The following ARHGAP15 variants were observed in gnomAD, a reference collection of about 807,000 sequenced individuals.
ARHGAP15 encodes rho GTPase-activating protein 15.
A neutral mutation model predicts 63.7 loss-of-function variants in ARHGAP15; 51 were observed. The observed-to-expected ratio is 0.80, with a 90% CI of 0.64 to 1.01. The LOEUF is 1.01. Ranked by LOEUF, ARHGAP15 falls within the 50% of genes least tolerant of loss-of-function variation. The pLI is 0.00. For synonymous variants in ARHGAP15, 191 were observed against 193.8 expected (o/e 0.99, Z 0.12); for missense variants, 560 against 564.6 (o/e 0.99, Z 0.08).
At chr2:143,390,881 A>T (rs1448727920) in intron 6 of ARHGAP15, among the ~76,000 whole-genome samples, 2 of 152,158 alleles carry the variant, frequency 1.3e-5, no homozygotes, top group Non-Finnish European at 2.9e-5. Context: ...ATTTTCTGCC[A>T]AAGTTCCTTG....
chr2:143,705,560 C>A (rs375490978), intron 13 of ARHGAP15, among the ~76,000 whole-genome samples: 5 of 152,294 alleles, frequency 3.3e-5, no homozygotes, highest in African/African-American at 9.6e-5. Flanking sequence ...AGGATCCAGA[C>A]ACACCATGAA....
chr2:143,335,098 C>T (rs750719510), intron 6 of ARHGAP15, among the ~76,000 whole-genome samples: 3 of 152,252 alleles, frequency 2.0e-5, no homozygotes, highest in South Asian at 2.1e-4. Context: ...TTTCTCAGGG[C>T]ATTTAATATG....
intron 6 of ARHGAP15, among the ~76,000 whole-genome samples, chr2:143,306,541 T>C (rs1239120895): frequency 6.6e-6 from 1 of 152,118 alleles, no homozygotes; most frequent in Non-Finnish European, 1.5e-5. Flanking sequence ...TATATGCAAA[T>C]TGCCTTGCAC....
intron 2 of ARHGAP15, among the ~76,000 whole-genome samples, chr2:143,156,739 T>G (rs1574023327): frequency 6.6e-6 from 1 of 151,956 alleles, no homozygotes; most frequent in South Asian, 2.1e-4. Context: ...AGTGATTATA[T>G]TTGGAGAGTG....
chr2:143,650,793 T>C (rs1016350794), intron 12 of ARHGAP15, among the ~76,000 whole-genome samples: 1 of 151,960 alleles, frequency 6.6e-6, no homozygotes, highest in East Asian at 1.9e-4. Flanking sequence ...CATACCTCGC[T>C]ATTTGGTATA....
chr2:143,511,768 A>G (rs1201480644), intron 9 of ARHGAP15, among the ~76,000 whole-genome samples: 1 of 152,204 alleles, frequency 6.6e-6, no homozygotes, highest in Non-Finnish European at 1.5e-5. Context: ...GATTTCTATC[A>G]TTGAATTGTC....
chr2:143,310,327 T>C (rs1683384150), intron 6 of ARHGAP15, among the ~76,000 whole-genome samples: 1 of 152,078 alleles, frequency 6.6e-6, no homozygotes, highest in South Asian at 2.1e-4. Context: ...AATTAACTTT[T>C]AGTCAATTGT....
chr2:143,649,497 T>C (rs1179419263), intron 12 of ARHGAP15, among the ~76,000 whole-genome samples: 1 of 151,982 alleles, frequency 6.6e-6, no homozygotes, highest in African/African-American at 2.4e-5. Context: ...AGATTTGCTA[T>C]GGGCTAAATC....
At chr2:143,626,564 T>C (rs770645251) in intron 12 of ARHGAP15, among the ~76,000 whole-genome samples, 1 of 152,080 alleles carries the variant, frequency 6.6e-6, no homozygotes, top group African/African-American at 2.4e-5. Flanking sequence ...CCCCAGCGGG[T>C]TACCCCTGCT....
intron 6 of ARHGAP15, among the ~76,000 whole-genome samples, chr2:143,268,720 T>C (rs1404125633): frequency 1.3e-5 from 2 of 152,158 alleles, no homozygotes; most frequent in Non-Finnish European, 2.9e-5. Flanking sequence ...TGTATGAATA[T>C]ACATTGGACA....
At chr2:143,557,747 T>C (rs1695868456) in intron 11 of ARHGAP15, among the ~76,000 whole-genome samples, 1 of 152,116 alleles carries the variant, frequency 6.6e-6, no homozygotes, top group Non-Finnish European at 1.5e-5. Flanking sequence ...CTCTCTGTAC[T>C]TTCTGCTCAA....
intron 8 of ARHGAP15, among the ~76,000 whole-genome samples, chr2:143,470,391 G>A (rs1239990540): frequency 6.6e-6 from 1 of 151,312 alleles, no homozygotes; most frequent in Non-Finnish European, 1.5e-5. Flanking sequence ...CCAATCATCA[G>A]TTCCCTTCTT....
chr2:143,725,858 AT>A (rs1414341159), intron 13 of ARHGAP15, among the ~76,000 whole-genome samples: 1 of 152,230 alleles, frequency 6.6e-6, no homozygotes, highest in East Asian at 1.9e-4. Flanking sequence ...ATGGGACCAA[AT>A]GATTTTTCCC....
chr2:143,621,650 A>G (rs1207084482), intron 11 of ARHGAP15, among the ~76,000 whole-genome samples: 3 of 152,224 alleles, frequency 2.0e-5, no homozygotes, highest in Non-Finnish European at 4.4e-5. Flanking sequence ...TGGAAACTAC[A>G]TGGGAATCTA....
At chr2:143,547,248 A>T (rs1195376749) in intron 10 of ARHGAP15, among the ~76,000 whole-genome samples, 1 of 152,182 alleles carries the variant, frequency 6.6e-6, no homozygotes, top group Non-Finnish European at 1.5e-5. Flanking sequence ...TAAGACACAA[A>T]TAGGACACTA....
At chr2:143,269,323 T>G (rs1338449166) in intron 6 of ARHGAP15, among the ~76,000 whole-genome samples, 3 of 152,192 alleles carry the variant, frequency 2.0e-5, no homozygotes, top group African/African-American at 7.2e-5. Flanking sequence ...ATTAAAGCTG[T>G]AATTTTTGTC....
intron 6 of ARHGAP15, among the ~76,000 whole-genome samples, chr2:143,252,290 CAGAT>C (rs1410518485): frequency 3.9e-5 from 6 of 151,998 alleles, no homozygotes; most frequent in African/African-American, 1.4e-4. Flanking sequence ...ATTATATGCA[CAGAT>C]AGACATTTCA....
At chr2:143,646,910 G>C (rs1452416291) in intron 12 of ARHGAP15, among the ~76,000 whole-genome samples, 1 of 151,914 alleles carries the variant, frequency 6.6e-6, no homozygotes. Context: ...AGTAGCAATT[G>C]GGTTAAGACA....
chr2:143,686,136 C>T (rs935895058), intron 12 of ARHGAP15, among the ~76,000 whole-genome samples: 4 of 152,080 alleles, frequency 2.6e-5, no homozygotes, highest in South Asian at 4.2e-4. Flanking sequence ...GGGCCTGGCG[C>T]GGTAGCTCAC....
Sources: gnomAD v4.1 joint callset for allele counts (sites outside exome capture counted in the v4.1 genomes callset) on GRCh38, gnomAD v4.1.1 for gene constraint, MANE v1.5 for transcripts, NCBI Gene and HGNC (gene_info 2026-07-23, HGNC 2026-07-21) for gene names.